The following REPS2 variants were observed in gnomAD, a reference collection of about 807,000 sequenced individuals.
REPS2 encodes the protein ralBP1-associated Eps domain-containing protein 2.
Under a neutral mutation model 53.6 loss-of-function variants are expected in REPS2, and 23 were observed. The ratio of observed to expected loss-of-function variants is 0.43; its 90% CI spans 0.31 to 0.61. The LOEUF (loss-of-function observed/expected upper bound fraction) is 0.61. Among genes scored for constraint, REPS2 ranks in the 20% least tolerant of loss-of-function variants. REPS2 has a pLI of 0.11. For missense variants in REPS2, 446 were observed against 534.9 expected, an observed-to-expected ratio of 0.83 and a Z score of 1.64; for synonymous variants, 238 against 218.6, an observed-to-expected ratio of 1.09 and a Z score of -0.78.
intron 1 of REPS2, among the ~76,000 whole-genome samples, chrX:17,003,111 G>A (rs191759821): frequency 9.0e-6 from 1 of 111,598 alleles, no homozygotes; most frequent in African/African-American, 3.3e-5. Context: ...ATATACCCTC[G>A]CTTTCTGCTG....
At chrX:16,999,813 G>A (rs1423796273) in intron 1 of REPS2, among the ~76,000 whole-genome samples, 1 of 108,808 alleles carries the variant, frequency 9.2e-6, no homozygotes, top group Non-Finnish European at 1.9e-5. Context: ...TTGGGAGGCC[G>A]AGGCGGGCGG....
the REPS2 span, among the ~76,000 whole-genome samples, chrX:17,182,195 A>G: frequency 4.5e-5 from 5 of 109,910 alleles, no homozygotes; most frequent in Non-Finnish European, 9.5e-5. Context: ...TCTATCATCT[A>G]TCTATCTATC....
chrX:16,964,768 C>A (rs866756849), intron 1 of REPS2, among the ~76,000 whole-genome samples: 1 of 35,682 alleles, frequency 2.8e-5, no homozygotes, highest in African/African-American at 1.2e-4. Context: ...CCGGACGGGG[C>A]GGCTGGCCGG....
chrX:16,966,314 C>G (rs942116793), intron 1 of REPS2, among the ~76,000 whole-genome samples: 8 of 112,049 alleles, frequency 7.1e-5, no homozygotes, highest in African/African-American at 2.3e-4. Context: ...TAAGAAAATA[C>G]CACAGCTGGA....
intron 14 of REPS2, among the ~76,000 whole-genome samples, chrX:17,125,149 G>A (rs770344597): frequency 1.8e-5 from 2 of 110,850 alleles, no homozygotes; most frequent in South Asian, 3.9e-4. Context: ...CACCATGCCC[G>A]GCCAGACTAT....
intron 1 of REPS2, among the ~76,000 whole-genome samples, chrX:16,962,897 C>A (rs2060683704): frequency 9.0e-6 from 1 of 111,658 alleles, no homozygotes; most frequent in African/African-American, 3.3e-5. Flanking sequence ...GAGTTTAAGA[C>A]CAGCCTGGGC....
At chrX:16,996,025 A>G (rs1045153555) in intron 1 of REPS2, among the ~76,000 whole-genome samples, 4 of 111,314 alleles carry the variant, frequency 3.6e-5, no homozygotes, top group Non-Finnish European at 7.5e-5. Flanking sequence ...CCTGGCTCCT[A>G]GGGATGTCCA....
chrX:17,053,028 C>T (rs745890583), intron 7 of REPS2, among the ~76,000 whole-genome samples: 17 of 111,649 alleles, frequency 1.5e-4, no homozygotes, highest in Non-Finnish European at 2.8e-4. Flanking sequence ...CCAGATGGCT[C>T]TATTTGCATT....
At chrX:17,020,271 TTATAAATACTGAGCA>T (rs2061554978) in intron 2 of REPS2, among the ~76,000 whole-genome samples, 1 of 112,449 alleles carries the variant, frequency 8.9e-6, no homozygotes. Flanking sequence ...GTCAGGGAGC[TTATAAATACTGAGCA>T]TTTATTTCTT....
At chrX:17,135,493 C>A in intron 16 of REPS2, 87 bp downstream of exon 16, 1 of 1,007,688 alleles carries the variant, frequency 9.9e-7, no homozygotes, top group Non-Finnish European at 1.4e-6. Flanking sequence ...TTTACGTGCG[C>A]ACCAACAGAA....
At chrX:17,109,794 A>G (rs745325272) in intron 14 of REPS2, among the ~76,000 whole-genome samples, 1 of 112,435 alleles carries the variant, frequency 8.9e-6, no homozygotes, top group South Asian at 3.7e-4. Context: ...CCTGAAAGTG[A>G]TATTGAACCC....
Position 17,139,053 on chromosome X carries a change from A to G in REPS2, c.1914+92A>G. ...TTTAATAGGCATATAATAATTGTAC[A>G]TATTTATAGGGTGGGGTACATAGTG... On this transcript the variant is annotated intron_variant, in intron 17 of 17. Coordinates refer to ENST00000357277, the MANE Select transcript of REPS2 (RefSeq NM_004726.3). 3 of 519,975 alleles carry G rather than the reference A, an allele frequency of 5.8e-6. No individual in the cohort carries two copies. In the Middle Eastern group the frequency reaches 1.1e-3, roughly 199 times the overall value. 42.9% of individuals were successfully genotyped at this position (519,975 alleles called of 1,213,427 possible).
chrX:17,075,913 G>C (rs1035707811), intron 12 of REPS2, among the ~76,000 whole-genome samples: 1 of 111,790 alleles, frequency 8.9e-6, no homozygotes, highest in Non-Finnish European at 1.9e-5. Context: ...TCCCATTTAA[G>C]AACCTTGTCC....
chrX:17,074,371 A>G lies in REPS2; in HGVS notation c.1379+212A>G, dbSNP rs755287472. 5.7e-5 allele frequency: 21 copies of G among 371,054 alleles called. No homozygotes were observed. In the South Asian group the frequency reaches 1.1e-3, roughly 20 times the overall value. 30.6% of individuals were successfully genotyped at this position (371,054 alleles called of 1,213,427 possible). ...TGGTCATTAGTGCTAGAAGGTGACC[A>G]TGAATGCCCTACGGCCCCTCAACGT... On this transcript the variant is annotated intron_variant, in intron 12 of 17. Coordinates refer to ENST00000357277, the MANE Select transcript of REPS2 (RefSeq NM_004726.3).
At chrX:17,046,023 C>T (rs974637092) in intron 5 of REPS2, among the ~76,000 whole-genome samples, 38 of 110,024 alleles carry the variant, frequency 3.5e-4, no homozygotes, top group South Asian at 4.0e-4. Flanking sequence ...TGGAATTGCC[C>T]GCCCAATGAT....
intron 1 of REPS2, among the ~76,000 whole-genome samples, chrX:16,991,826 G>A (rs1041201724): frequency 3.6e-5 from 4 of 111,491 alleles, no homozygotes. Context: ...TAGAAGCAAT[G>A]TATCTACAAG....
At chrX:17,078,931 C>T (rs770665745) in intron 13 of REPS2, among the ~76,000 whole-genome samples, 5 of 112,177 alleles carry the variant, frequency 4.5e-5, no homozygotes, top group Non-Finnish European at 7.5e-5. Flanking sequence ...GCCAATACTC[C>T]ATGGAGTTGT....
chrX:17,129,197 A>C, intron 14 of REPS2, among the ~76,000 whole-genome samples: 1 of 112,033 alleles, frequency 8.9e-6, no homozygotes, highest in Non-Finnish European at 1.9e-5. Context: ...TCATTCTTCC[A>C]AAGTTGGTAA....
intron 14 of REPS2, among the ~76,000 whole-genome samples, chrX:17,131,568 A>C (rs1225516332): frequency 8.9e-6 from 1 of 112,107 alleles, no homozygotes; most frequent in Non-Finnish European, 1.9e-5. Context: ...AGTATGATGT[A>C]GAAGTCACAT....
Sources: gnomAD v4.1 joint callset for allele counts (sites outside exome capture counted in the v4.1 genomes callset) on GRCh38, gnomAD v4.1.1 for gene constraint, MANE v1.5 for transcripts, NCBI Gene and HGNC (gene_info 2026-07-23, HGNC 2026-07-21) for gene names.